Variants in TMEM219 observed in about 807,000 individuals in gnomAD.
TMEM219 encodes the protein transmembrane protein 219, also known as insulin-like growth factor-binding protein 3 receptor.
A neutral mutation model predicts 17.9 loss-of-function variants in TMEM219; 18 were observed. That is an observed-to-expected ratio of 1.01 (90% confidence interval 0.70 to 1.49). TMEM219 has a LOEUF of 1.49. Ranked by LOEUF, TMEM219 falls within the 40% of genes most tolerant of loss-of-function variation. TMEM219 has a pLI of 0.00. For missense variants in TMEM219, 288 were observed against 292.4 expected (o/e 0.99, Z 0.11); for synonymous variants, 113 against 124.0 (o/e 0.91, Z 0.59).
Position 29,963,511 on chromosome 16 carries a change from A to C in TMEM219, c.277A>C (p.Asn93His), listed in dbSNP as rs1299699117. 4.3e-6 allele frequency: 7 copies of C among 1,614,134 alleles called. No individual in the cohort carries two copies. Among genetic ancestry groups the C allele is most frequent in the Non-Finnish European group, 5.1e-6 (6 of 1,180,020 alleles). The change falls in exon 3 of 6, where the codon AAC (asparagine) becomes CAC (histidine). Residue 93 changes from asparagine (N) to histidine (H), a missense_variant. Asn to His is a moderately conservative substitution (Grantham distance 68). Coordinates refer to ENST00000279396, the MANE Select transcript of TMEM219 (RefSeq NM_001083613.2). ...CGTCGTGGGCTTGCTGACCACCTTGAACTTCGGAGACGGTCCAGACAGGAA... is the reference window on the plus strand; with the variant it reads ...CGTCGTGGGCTTGCTGACCACCTTGCACTTCGGAGACGGTCCAGACAGGAA... ...SHVVGLLTTLNFGDGPDRNKT... is the reference protein window; with the variant it reads ...SHVVGLLTTLHFGDGPDRNKT...
rs374779124 is a variant in TMEM219, at chr16:29,968,336, A to G, written c.585+82A>G. The G allele has an allele frequency of 3.1e-4, 374 of 1,198,232 alleles. 3 individuals are homozygous for G. The highest frequency in any genetic ancestry group is 8.3e-4 in the Middle Eastern group (3 of 3,618). The allele number at this position is 1,198,232 out of a possible 1,614,324, so 74.2% of individuals were successfully genotyped here. On this transcript the variant is annotated intron_variant, in intron 4 of 5. Coordinates refer to ENST00000279396, the MANE Select transcript of TMEM219 (RefSeq NM_001083613.2). ...CTTGAAGGTCCCTGGAAACAATTCTACCTTGTAGAAAAAGCACAGGTTTTA... is the reference window on the plus strand; with the variant it reads ...CTTGAAGGTCCCTGGAAACAATTCTGCCTTGTAGAAAAAGCACAGGTTTTA...
In TMEM219 at chr16:29,971,114, C is replaced by T. The variant is rs764887345; in HGVS notation, c.586-294C>T. Among the ~76,000 whole-genome samples the T allele has an allele frequency of 2.2e-4, 33 of 151,798 alleles. No homozygotes were observed. In the East Asian group the frequency reaches 3.9e-3, roughly 18 times the overall value. ...ACAAAAAATGAGCCAGGCGTGGTGG[C>T]GGGCACCTGTAGTCCCAGCTACTTG... is the stretch of plus-strand genomic sequence containing the variant. On this transcript the variant is annotated intron_variant, in intron 4 of 5. Coordinates refer to ENST00000279396, the MANE Select transcript of TMEM219 (RefSeq NM_001083613.2).
chr16:29,964,318 G>C (rs1025551195), intron 3 of TMEM219, among the ~76,000 whole-genome samples: 12 of 149,468 alleles, frequency 8.0e-5, no homozygotes, highest in Non-Finnish European at 1.2e-4. Context: ...GCAAAACTCG[G>C]TCTCAAAAAA....
intron 3 of TMEM219, among the ~76,000 whole-genome samples, chr16:29,966,669 AGCCAG>A (rs1040985089): frequency 7.9e-5 from 12 of 152,068 alleles, no homozygotes; most frequent in African/African-American, 2.4e-4. Flanking sequence ...ACAAAAAATT[AGCCAG>A]GCATGGTCGT....
rs543813659 is a variant in TMEM219, at chr16:29,970,103, G to A, written c.586-1305G>A. On this transcript the variant is annotated intron_variant, in intron 4 of 5. Coordinates refer to ENST00000279396, the MANE Select transcript of TMEM219 (RefSeq NM_001083613.2). ...TTAAAAATTAGCTGGATGTTGTGGC[G>A]GGCGTCTGTGATCCCAGCTACTCAG... Among the ~76,000 whole-genome samples the A allele has an allele frequency of 1.1e-4, 17 of 151,324 alleles. No homozygotes were observed. The East Asian group carries it at 2.8e-3, about 25-fold the overall frequency.
chr16:29,970,949 GAAA>G (rs1176077474), intron 4 of TMEM219, among the ~76,000 whole-genome samples: 1 of 94,892 alleles, frequency 1.1e-5, no homozygotes, highest in Non-Finnish European at 2.3e-5. Flanking sequence ...GCCTCAAAAA[GAAA>G]AAAAAAAAAA....
chr16:29,965,564 C>CAAAA (rs35045736), intron 3 of TMEM219, among the ~76,000 whole-genome samples: 4 of 82,830 alleles, frequency 4.8e-5, no homozygotes, highest in Non-Finnish European at 7.0e-5. Context: ...ACTAAAAATA[C>CAAAA]AAAAAAAAAA....
intron 3 of TMEM219, among the ~76,000 whole-genome samples, chr16:29,967,806 A>C (rs2069231623): frequency 6.6e-6 from 1 of 152,074 alleles, no homozygotes; most frequent in Non-Finnish European, 1.5e-5. Context: ...GGGCACCTGT[A>C]GTCCCAGCTA....
rs76201129 is a variant in TMEM219 at position 29,968,445 on chromosome 16, A to G, written c.585+191A>G. 5.9e-3 allele frequency: 3,327 copies of G among 562,362 alleles called. 90 individuals carry two copies. Among genetic ancestry groups the G allele is most frequent in the African/African-American group, 0.056 (3,006 of 53,480 alleles). 34.8% of individuals were successfully genotyped at this position (562,362 alleles called of 1,614,324 possible). ...AGCATCCTCATCTGTAAAACAGAAA[A>G]CATGACCCTATCTCTTAATTCCATC... On this transcript the variant is annotated intron_variant, in intron 4 of 5. Transcript: ENST00000279396.
At chr16:29,967,926 CAAAA>C in intron 3 of TMEM219, 95 bp from the exon 4 acceptor site, 4 of 794,400 alleles carry the variant, frequency 5.0e-6, no homozygotes, top group East Asian at 2.9e-5. Flanking sequence ...GACTCCGCCT[CAAAA>C]AAAAAAAAAG....
intron 4 of TMEM219, among the ~76,000 whole-genome samples, chr16:29,970,254 GA>G (rs2069266308): frequency 6.8e-6 from 1 of 147,628 alleles, no homozygotes; most frequent in Non-Finnish European, 1.5e-5. Flanking sequence ...AAAAAGAAAA[GA>G]CCCCATGAGG....
At chr16:29,962,661 T>C (rs1179461603) in intron 1 of TMEM219, 1 of 161,066 alleles carries the variant, frequency 6.2e-6, no homozygotes, top group African/African-American at 2.4e-5. Context: ...CTTGGTGTTC[T>C]CAGAACTCCC....
chr16:29,962,751 GTTC>G (rs2069161622), intron 1 of TMEM219: 1 of 208,176 alleles, frequency 4.8e-6, no homozygotes, highest in Non-Finnish European at 9.9e-6. Flanking sequence ...GCACAGTGGA[GTTC>G]TTCTCCAGAG....
At position 29,963,174 on chromosome 16, in the gene TMEM219, C is replaced by T. The variant is rs2069167484; in HGVS notation, c.31C>T (p.His11Tyr). The T allele has an allele frequency of 9.3e-6, 15 of 1,613,200 alleles. No individual in the cohort carries two copies. The East Asian group carries it at 1.3e-4, about 14-fold the overall frequency. Residue 11 changes from histidine to tyrosine, a missense_variant, in exon 2 of 6, where the codon CAC becomes TAC. By Grantham distance (83) the His-to-Tyr change is moderately conservative. Transcript: ENST00000279396. MGNCQAGHNL[H>Y]LCLAHHPPLV... ...CAACTGCCAGGCAGGGCACAACCTG[C>T]ACCTGTGTCTGGCCCACCACCCACC...
rs1391825638 is a variant in TMEM219 at position 29,971,395 on chromosome 16, T to C, written c.586-13T>C. The stretch of plus-strand genomic sequence containing the variant: ...ACATGTCCTCCTCCTCCTCTCCCTG[T>C]ACCCCTCCCTAGGAGGAGCTGGCTC... On this transcript the variant is annotated splice_polypyrimidine_tract_variant and intron_variant, in intron 4 of 5. Coordinates refer to ENST00000279396, the MANE Select transcript of TMEM219 (RefSeq NM_001083613.2). 4 of 1,613,866 alleles carry C rather than the reference T, an allele frequency of 2.5e-6. No individual in the cohort carries two copies. Among genetic ancestry groups the C allele is most frequent in the Non-Finnish European group, 2.5e-6 (3 of 1,179,930 alleles).
chr16:29,969,192 CTTTTT>C (rs1197231032), intron 4 of TMEM219, among the ~76,000 whole-genome samples: 2 of 122,988 alleles, frequency 1.6e-5, no homozygotes, highest in Admixed American at 8.5e-5. Flanking sequence ...TTCTTTTTCG[CTTTTT>C]TTTTTTTTTT....
rs758959872 is a variant in TMEM219, at chr16:29,963,284, C to G, written c.141C>G (p.Gly47=). Residue 47 remains glycine (G), a synonymous_variant, in exon 2 of 6, where the codon GGC becomes GGG. Transcript: ENST00000279396. The part of the protein sequence containing the change: ...LGSFLLTHRT[G]LRSPDIPQDW... ...GCTTCCTCCTCACCCACAGGACTGG[C>G]CTGCGCAGCCCTGACATCCCCCAGG... 24 of 1,614,012 alleles carry G rather than the reference C, an allele frequency of 1.5e-5. No individual in the cohort carries two copies. Among genetic ancestry groups the G allele is most frequent in the Non-Finnish European group, 2.0e-5 (24 of 1,180,040 alleles).
chr16:29,963,935 C>T (rs2069180856), intron 3 of TMEM219, among the ~76,000 whole-genome samples: 1 of 150,352 alleles, frequency 6.7e-6, no homozygotes, highest in Non-Finnish European at 1.5e-5. Context: ...GTAATCCCAG[C>T]ACTTTGGGAG....
intron 4 of TMEM219, among the ~76,000 whole-genome samples, chr16:29,970,622 C>T (rs1432717992): frequency 1.3e-5 from 2 of 152,184 alleles, no homozygotes; most frequent in Non-Finnish European, 2.9e-5. Context: ...CCGCACCCAG[C>T]CACTTATACA....
Sources: allele counts gnomAD v4.1 joint callset (sites outside exome capture counted in the v4.1 genomes callset), GRCh38; gene constraint gnomAD v4.1.1; transcripts MANE v1.5; gene names NCBI Gene and HGNC (gene_info 2026-07-23, HGNC 2026-07-21).